KCNC2: variants seen among roughly 807,000 people sequenced by gnomAD.
The protein encoded by KCNC2 is potassium voltage-gated channel subfamily C member 2, also known as voltage-gated potassium channel KCNC2.
A neutral mutation model predicts 44.5 loss-of-function variants in KCNC2; 21 were observed. The ratio of observed to expected loss-of-function variants is 0.47; its 90% CI spans 0.33 to 0.68. KCNC2 has a LOEUF of 0.68. Among genes scored for constraint, KCNC2 ranks in the 30% least tolerant of loss-of-function variants. KCNC2 has a pLI of 0.01. For missense variants in KCNC2, 589 were observed against 826.2 expected, an observed-to-expected ratio of 0.71 and a Z score of 3.52; for synonymous variants, 391 against 339.1, an observed-to-expected ratio of 1.15 and a Z score of -1.68.
chr12:75,051,493 T>C (rs1156821698), intron 2 of KCNC2, among the ~76,000 whole-genome samples, 176 bp from the exon 3 acceptor site: 1 of 152,162 alleles, frequency 6.6e-6, no homozygotes, highest in Non-Finnish European at 1.5e-5. Flanking sequence ...AATTAGAGTG[T>C]ACAGGTAATG....
At chr12:75,166,999 T>C (rs1319449819) in intron 2 of KCNC2, among the ~76,000 whole-genome samples, 1 of 151,180 alleles carries the variant, frequency 6.6e-6, no homozygotes, top group Non-Finnish European at 1.5e-5. Flanking sequence ...AACCAAAATT[T>C]AGTTTTTTCA....
In KCNC2 at chr12:75,195,188, T is replaced by C. The variant is rs144127044; in HGVS notation, c.687+12109A>G. Among the ~76,000 whole-genome samples, 416 of 152,222 alleles carry C rather than the reference T, an allele frequency of 2.7e-3. 1 individual carries two copies. Among genetic ancestry groups the C allele is most frequent in the African/African-American group, 9.4e-3 (391 of 41,548 alleles). ...GGCTTTAAATAAAGTAGTAGCAATA[T>C]AAAGCCTGTATTTCTTGTACAGAGG... On this transcript the variant is annotated intron_variant, in intron 2 of 4. Transcript: ENST00000549446.
At chr12:75,146,173 C>A (rs936957827) in intron 2 of KCNC2, among the ~76,000 whole-genome samples, 2 of 152,194 alleles carry the variant, frequency 1.3e-5, no homozygotes, top group African/African-American at 4.8e-5. Context: ...CCAGGATGGT[C>A]TCGATCTCCT....
chr12:75,053,826 C>A (rs1881450243), intron 2 of KCNC2, among the ~76,000 whole-genome samples: 1 of 147,106 alleles, frequency 6.8e-6, no homozygotes, highest in Non-Finnish European at 1.5e-5. Context: ...AATATTTTTA[C>A]TCTAAGAGGA....
At chr12:75,098,650 T>C (rs1184644838) in intron 2 of KCNC2, among the ~76,000 whole-genome samples, 2 of 151,898 alleles carry the variant, frequency 1.3e-5, no homozygotes, top group Non-Finnish European at 2.9e-5. Context: ...TCCCAGCTGC[T>C]TGGGAGGCTG....
chr12:75,143,253 C>T (rs1889784260), intron 2 of KCNC2, among the ~76,000 whole-genome samples: 1 of 152,168 alleles, frequency 6.6e-6, no homozygotes, highest in African/African-American at 2.4e-5. Context: ...TCCAAGGCCT[C>T]TGAGATTTAT....
chr12:75,156,499 A>G (rs932313081), intron 2 of KCNC2, among the ~76,000 whole-genome samples: 3 of 151,824 alleles, frequency 2.0e-5, no homozygotes, highest in African/African-American at 7.2e-5. Context: ...TGTCTGGCCC[A>G]TTACAGAAAA....
At chr12:75,052,798 G>A (rs1022912792) in intron 2 of KCNC2, among the ~76,000 whole-genome samples, 1 of 152,110 alleles carries the variant, frequency 6.6e-6, no homozygotes, top group Admixed American at 6.6e-5. Flanking sequence ...TCTTAGGACT[G>A]TGGCTATCTG....
chr12:75,100,340 C>T (rs953454060), intron 2 of KCNC2, among the ~76,000 whole-genome samples: 6 of 151,982 alleles, frequency 3.9e-5, no homozygotes, highest in Non-Finnish European at 4.4e-5. Flanking sequence ...GAAAATAATA[C>T]TAAATGGATG....
intron 2 of KCNC2, among the ~76,000 whole-genome samples, chr12:75,119,969 G>A (rs987520342): frequency 6.6e-5 from 10 of 152,040 alleles, no homozygotes; most frequent in Admixed American, 2.0e-4. Context: ...AACCAAATCC[G>A]GCAAAATGTG....
chr12:75,083,448 G>A (rs941706046), intron 2 of KCNC2, among the ~76,000 whole-genome samples: 1 of 151,870 alleles, frequency 6.6e-6, no homozygotes, highest in Non-Finnish European at 1.5e-5. Flanking sequence ...ACCAATGGGG[G>A]TGCATATTAA....
intron 4 of KCNC2, among the ~76,000 whole-genome samples, chr12:75,045,029 G>A (rs1880322464): frequency 6.6e-6 from 1 of 151,898 alleles, no homozygotes; most frequent in Admixed American, 6.6e-5. Flanking sequence ...TCTGAAAAGT[G>A]ACTGAAAATA....
intron 2 of KCNC2, among the ~76,000 whole-genome samples, chr12:75,193,069 C>G (rs1484075549): frequency 6.6e-6 from 1 of 151,958 alleles, no homozygotes; most frequent in African/African-American, 2.4e-5. Context: ...AGACACTGTT[C>G]ATAACTCTGG....
At chr12:75,175,612 CT>C (rs1368279473) in intron 2 of KCNC2, among the ~76,000 whole-genome samples, 3 of 151,996 alleles carry the variant, frequency 2.0e-5, no homozygotes, top group African/African-American at 2.4e-5. Flanking sequence ...GACTGCAGAG[CT>C]CTCTTTTTTC....
chr12:75,113,702 T>C (rs1407101045), intron 2 of KCNC2, among the ~76,000 whole-genome samples: 1 of 152,066 alleles, frequency 6.6e-6, no homozygotes, highest in Non-Finnish European at 1.5e-5. Context: ...ATCTCAGAAG[T>C]CCATCTTTGC....
At chr12:75,168,688 T>A (rs1891616739) in intron 2 of KCNC2, among the ~76,000 whole-genome samples, 1 of 151,592 alleles carries the variant, frequency 6.6e-6, no homozygotes. Context: ...ATTTCTCAAA[T>A]ATGTTTTTAA....
chr12:75,100,827 T>C (rs1448791024), intron 2 of KCNC2, among the ~76,000 whole-genome samples: 3 of 152,088 alleles, frequency 2.0e-5, no homozygotes, highest in Admixed American at 6.6e-5. Flanking sequence ...CCTACGTATA[T>C]AATAAACTAA....
At chr12:75,128,654 G>A (rs892171476) in intron 2 of KCNC2, among the ~76,000 whole-genome samples, 1 of 151,088 alleles carries the variant, frequency 6.6e-6, no homozygotes. Flanking sequence ...CCTACAACAG[G>A]AAAAAAAACA....
chr12:75,041,747 T>A lies in KCNC2; in HGVS notation c.*1358A>T. On this transcript the variant is annotated 3_prime_UTR_variant, in exon 5 of 5. Coordinates refer to ENST00000549446, the MANE Select transcript of KCNC2 (RefSeq NM_139137.4). ...CCAAGTGCAATGGTGAAATTGCTGC[T>A]TAAACCCTGCTTATCAAAAAGATTC... 1.0e-6 allele frequency: 1 copy of A among 992,422 alleles called. No individual in the cohort carries two copies. Among genetic ancestry groups the A allele is most frequent in the Non-Finnish European group, 1.2e-6 (1 of 833,930 alleles). The allele number at this position is 992,422 out of a possible 1,614,324, so 61.5% of individuals were successfully genotyped here.
Sources: allele counts gnomAD v4.1 joint callset (sites outside exome capture counted in the v4.1 genomes callset), GRCh38; gene constraint gnomAD v4.1.1; transcripts MANE v1.5; gene names NCBI Gene and HGNC (gene_info 2026-07-23, HGNC 2026-07-21).